Variants in KANTR observed in about 807,000 individuals in gnomAD.
KANTR encodes the protein KANTR integral membrane protein, also known as KDM5C adjacent transcript.
downstream of KANTR, among the ~76,000 whole-genome samples, chrX:53,144,666 AAAG>A (rs1933549994): frequency 8.9e-6 from 1 of 111,860 alleles, no homozygotes; most frequent in African/African-American, 3.2e-5. Flanking sequence ...ACTGTAAAGA[AAAG>A]AAAAAAAAAA....
chrX:53,132,188 ATT>A (rs1437558712), downstream of KANTR, among the ~76,000 whole-genome samples: 1 of 111,904 alleles, frequency 8.9e-6, no homozygotes, highest in Non-Finnish European at 1.9e-5. Context: ...TGATCCATAG[ATT>A]AAATGTAATT....
chrX:53,095,796 A>G (rs1556810765), intron 1 of KANTR, among the ~76,000 whole-genome samples: 4 of 110,890 alleles, frequency 3.6e-5, no homozygotes, highest in Non-Finnish European at 7.5e-5. Flanking sequence ...AAACAAAACA[A>G]TGTGGAAGAG....
intron 2 of KANTR, among the ~76,000 whole-genome samples, chrX:53,100,208 C>T (rs1292898404): frequency 1.8e-5 from 2 of 112,352 alleles, no homozygotes; most frequent in African/African-American, 3.2e-5. Context: ...TGGCCAGGTG[C>T]GGTGGCTCAC....
intron 2 of KANTR, among the ~76,000 whole-genome samples, chrX:53,132,861 A>G (rs1420182165): frequency 1.8e-5 from 2 of 111,985 alleles, no homozygotes; most frequent in Non-Finnish European, 3.8e-5. Context: ...ACACAGGGCA[A>G]CACGATGATC....
intron 2 of KANTR, among the ~76,000 whole-genome samples, chrX:53,112,205 T>C (rs782434125): frequency 6.3e-5 from 7 of 111,658 alleles, no homozygotes; most frequent in African/African-American, 1.6e-4. Context: ...CTCCCACTTA[T>C]GATTGAGAAC....
At chrX:53,113,799 T>G (rs1933080590) in intron 2 of KANTR, among the ~76,000 whole-genome samples, 1 of 109,930 alleles carries the variant, frequency 9.1e-6, no homozygotes, top group African/African-American at 3.3e-5. Context: ...CAGGCTGGTC[T>G]CGAACTCCTG....
exon 3 of KANTR, chrX:53,141,939 A>G (rs1468649318): frequency 8.3e-6 from 4 of 480,011 alleles, no homozygotes; most frequent in Admixed American, 6.3e-5. Flanking sequence ...ACTGGGTCCT[A>G]TGGCTTGGAC....
intron 2 of KANTR, among the ~76,000 whole-genome samples, chrX:53,106,698 A>G (rs1439152972): frequency 1.8e-5 from 2 of 110,805 alleles, no homozygotes; most frequent in Non-Finnish European, 3.8e-5. Flanking sequence ...TACCCAGCCC[A>G]TTTTGAGTTA....
chrX:53,123,047 A>G (rs999221962), intron 2 of KANTR, among the ~76,000 whole-genome samples: 21 of 111,925 alleles, frequency 1.9e-4, no homozygotes, highest in African/African-American at 6.8e-4. Flanking sequence ...TTTCCTTTTT[A>G]ATATTGAATT....
intron 2 of KANTR, among the ~76,000 whole-genome samples, chrX:53,100,218 C>T (rs782768947): frequency 1.7e-3 from 190 of 112,246 alleles, no homozygotes; most frequent in Non-Finnish European, 2.7e-3. Context: ...CGGTGGCTCA[C>T]GCCTGTAATC....
At chrX:53,103,570 C>T (rs1294077788) in intron 2 of KANTR, among the ~76,000 whole-genome samples, 1 of 111,133 alleles carries the variant, frequency 9.0e-6, no homozygotes, top group Non-Finnish European at 1.9e-5. Context: ...TTACCATCCA[C>T]TTTATCGGGC....
chrX:53,137,246 G>A (rs1484307125), intron 2 of KANTR, among the ~76,000 whole-genome samples: 2 of 111,407 alleles, frequency 1.8e-5, no homozygotes, highest in Non-Finnish European at 3.8e-5. Flanking sequence ...AACCCACTGG[G>A]GTTTTGAGAG....
At chrX:53,120,829 C>A (rs1556815390) in intron 2 of KANTR, among the ~76,000 whole-genome samples, 1 of 110,540 alleles carries the variant, frequency 9.0e-6, no homozygotes, top group African/African-American at 3.3e-5. Context: ...TCAAGCAATT[C>A]TCCTACTCAG....
At chrX:53,142,466 C>A in exon 3 of KANTR, 1 of 215,704 alleles carries the variant, frequency 4.6e-6, no homozygotes, top group Non-Finnish European at 8.6e-6. Context: ...TAGGCGAATG[C>A]CACCATGCCT....
chrX:53,128,721 C>A (rs1362918942), downstream of KANTR, among the ~76,000 whole-genome samples: 4 of 110,751 alleles, frequency 3.6e-5, no homozygotes, highest in Non-Finnish European at 5.7e-5. Context: ...TTTACTATAT[C>A]TTTTATGTTG....
intron 2 of KANTR, among the ~76,000 whole-genome samples, chrX:53,139,673 A>T (rs995958057): frequency 3.6e-5 from 4 of 111,149 alleles, no homozygotes; most frequent in African/African-American, 1.3e-4. Context: ...ATTTTTTTTT[A>T]AATTACCTGG....
At chrX:53,097,917 G>A (rs1268425168) in intron 1 of KANTR, among the ~76,000 whole-genome samples, 2 of 106,199 alleles carry the variant, frequency 1.9e-5, no homozygotes, top group Admixed American at 2.0e-4. Flanking sequence ...TGGGTGTGGT[G>A]GCTTGTGCCT....
At chrX:53,112,725 A>G (rs1360635987) in intron 2 of KANTR, among the ~76,000 whole-genome samples, 4 of 110,861 alleles carry the variant, frequency 3.6e-5, no homozygotes, top group Non-Finnish European at 7.5e-5. Context: ...TTTGCATTCA[A>G]TTTGATTGGA....
At chrX:53,143,113 A>G (rs781786865), downstream of KANTR, 3 of 1,158,700 alleles carry the variant, frequency 2.6e-6, no homozygotes, top group African/African-American at 1.8e-5. Flanking sequence ...GCAGGATTCC[A>G]TGCCCAAGAA....
Sources: allele counts gnomAD v4.1 joint callset (sites outside exome capture counted in the v4.1 genomes callset), GRCh38; gene constraint gnomAD v4.1.1; transcripts MANE v1.5; gene names NCBI Gene and HGNC (gene_info 2026-07-23, HGNC 2026-07-21).